Variants in THRB observed in about 807,000 individuals in gnomAD.
THRB encodes the protein thyroid hormone receptor beta.
A neutral mutation model predicts 47.8 loss-of-function variants in THRB; 12 were observed. The observed-to-expected ratio is 0.25, with a 90% CI of 0.16 to 0.41. The LOEUF is 0.41. Among genes scored for constraint, THRB ranks in the 10% least tolerant of loss-of-function variants. The probability of loss-of-function intolerance (pLI) is 1.00; values close to 1 mark genes in which losing one functional copy is unlikely to be tolerated. For synonymous variants in THRB, 218 were observed against 212.2 expected (o/e 1.03, Z -0.24); for missense variants, 348 against 589.2 (o/e 0.59, Z 4.24).
intron 1 of THRB, among the ~76,000 whole-genome samples, chr3:24,465,984 T>G (rs556251045): frequency 2.0e-5 from 3 of 152,264 alleles, no homozygotes; most frequent in African/African-American, 7.2e-5. Flanking sequence ...GCTCTTTATT[T>G]ATGAGAAGGG....
chr3:24,265,751 T>G (rs970421851), intron 3 of THRB, among the ~76,000 whole-genome samples: 1 of 152,138 alleles, frequency 6.6e-6, no homozygotes, highest in Non-Finnish European at 1.5e-5. Flanking sequence ...CGTAGATTAT[T>G]TGAGTGTATT....
chr3:24,292,687 A>T (rs2150990266), intron 3 of THRB, among the ~76,000 whole-genome samples: 1 of 152,338 alleles, frequency 6.6e-6, no homozygotes, highest in East Asian at 1.9e-4. Flanking sequence ...TTGTCGAGTA[A>T]AGAAGTCAGT....
chr3:24,442,863 A>C (rs1050094500), intron 1 of THRB, among the ~76,000 whole-genome samples: 4 of 151,226 alleles, frequency 2.6e-5, no homozygotes, highest in African/African-American at 9.7e-5. Context: ...CAGAAAACTA[A>C]GGAATAATAA....
At chr3:24,297,120 G>C (rs961922014) in intron 3 of THRB, 106 bp downstream of exon 3, 2 of 152,204 alleles carry the variant, frequency 1.3e-5, no homozygotes, top group Non-Finnish European at 2.9e-5. Flanking sequence ...AGGAGACAAT[G>C]AATTAATAAG....
chr3:24,152,011 A>T (rs1437110767), intron 6 of THRB, among the ~76,000 whole-genome samples: 2 of 152,178 alleles, frequency 1.3e-5, no homozygotes, highest in Non-Finnish European at 2.9e-5. Flanking sequence ...CTCCTCCAAC[A>T]CTGTAGATAA....
At chr3:24,407,911 C>A (rs2067962386) in intron 1 of THRB, among the ~76,000 whole-genome samples, 2 of 151,818 alleles carry the variant, frequency 1.3e-5, no homozygotes, top group Non-Finnish European at 2.9e-5. Context: ...TGAGGGAATT[C>A]ATGGATAAAA....
chr3:24,319,598 A>G (rs1386194473), intron 2 of THRB, among the ~76,000 whole-genome samples: 1 of 152,212 alleles, frequency 6.6e-6, no homozygotes, highest in Non-Finnish European at 1.5e-5. Context: ...GCATGGGCAA[A>G]CTTCAGTGTT....
At chr3:24,388,295 A>T (rs1487006007) in intron 1 of THRB, among the ~76,000 whole-genome samples, 1 of 152,062 alleles carries the variant, frequency 6.6e-6, no homozygotes, top group Non-Finnish European at 1.5e-5. Context: ...CTGAGACTCC[A>T]TCACAGTCCA....
chr3:24,386,122 T>C (rs556807800), intron 1 of THRB, among the ~76,000 whole-genome samples: 1 of 152,278 alleles, frequency 6.6e-6, no homozygotes, highest in South Asian at 2.1e-4. Context: ...GAGTCTCTTC[T>C]AGACAGAGCC....
chr3:24,306,988 CT>C (rs1325772564), intron 2 of THRB, among the ~76,000 whole-genome samples: 2 of 151,818 alleles, frequency 1.3e-5, no homozygotes, highest in South Asian at 2.1e-4. Flanking sequence ...ACAGATCATT[CT>C]TTTTTTCTCA....
intron 1 of THRB, among the ~76,000 whole-genome samples, chr3:24,476,219 A>T (rs893085749): frequency 6.6e-6 from 1 of 152,220 alleles, no homozygotes; most frequent in Non-Finnish European, 1.5e-5. Context: ...CAGTGGTGAA[A>T]TCTGACTCTC....
intron 3 of THRB, among the ~76,000 whole-genome samples, chr3:24,233,560 G>GAAGGAAGAAAGAAAGAAAGA (rs1553658178): frequency 8.1e-4 from 63 of 77,346 alleles, no homozygotes; most frequent in Middle Eastern, 0.013. Context: ...AAAGAAAAAG[G>GAAGGAAGAAAGAAAGAAAGA]AAGAAAGAAA....
intron 3 of THRB, among the ~76,000 whole-genome samples, chr3:24,239,779 A>T (rs1435542800): frequency 6.6e-6 from 1 of 152,152 alleles, no homozygotes; most frequent in African/African-American, 2.4e-5. Context: ...GCTTGAATGC[A>T]TGATCCTGCC....
chr3:24,182,470 ATCTGT>A (rs1351609995), intron 5 of THRB, among the ~76,000 whole-genome samples: 2 of 152,156 alleles, frequency 1.3e-5, no homozygotes, highest in African/African-American at 4.8e-5. Flanking sequence ...TGGCTATTAC[ATCTGT>A]TCTGCCTGCG....
intron 1 of THRB, among the ~76,000 whole-genome samples, chr3:24,393,885 C>T (rs1376457626): frequency 6.6e-6 from 1 of 151,990 alleles, no homozygotes; most frequent in Non-Finnish European, 1.5e-5. Context: ...TCTTTGAATT[C>T]AAGACTGAAA....
chr3:24,402,499 C>T (rs372943426), intron 1 of THRB, among the ~76,000 whole-genome samples: 4 of 134,798 alleles, frequency 3.0e-5, no homozygotes, highest in East Asian at 2.1e-4. Context: ...TTCTTTCTTC[C>T]TTTTTTTTTT....
intron 3 of THRB, among the ~76,000 whole-genome samples, chr3:24,248,004 C>G (rs1034905870): frequency 1.3e-5 from 2 of 151,674 alleles, no homozygotes; most frequent in Non-Finnish European, 2.9e-5. Flanking sequence ...ACATGGCCAA[C>G]CCTGTATCAG....
At chr3:24,143,471 G>A (rs758818876) in intron 8 of THRB, 30 bp downstream of exon 8, 2 of 1,607,138 alleles carry the variant, frequency 1.2e-6, no homozygotes, top group Non-Finnish European at 1.7e-6. Context: ...TGGCATATAA[G>A]TGAAACTGAT....
chr3:24,279,246 C>T (rs567532364), intron 3 of THRB, among the ~76,000 whole-genome samples: 100 of 152,178 alleles, frequency 6.6e-4, no homozygotes, highest in African/African-American at 2.0e-3. Context: ...TGAACATGTT[C>T]GCTTGCCTGA....
Sources: allele counts gnomAD v4.1 joint callset (sites outside exome capture counted in the v4.1 genomes callset), GRCh38; gene constraint gnomAD v4.1.1; transcripts MANE v1.5; gene names NCBI Gene and HGNC (gene_info 2026-07-23, HGNC 2026-07-21).